FOXP1: variants seen among roughly 807,000 people sequenced by gnomAD.
FOXP1 encodes the protein forkhead box P1.
In FOXP1, 15 loss-of-function variants were observed where a neutral mutation model predicts 98.2. That is an observed-to-expected ratio of 0.15 (90% CI 0.10 to 0.24). FOXP1 has a LOEUF of 0.24. FOXP1 is among the 10% of genes least tolerant of loss of function. The probability of loss-of-function intolerance (pLI) is 1.00; values close to 1 mark genes in which losing one functional copy is unlikely to be tolerated. For missense variants in FOXP1, 633 were observed against 848.5 expected, an observed-to-expected ratio of 0.75 and a Z score of 3.15; for synonymous variants, 371 against 314.5, an observed-to-expected ratio of 1.18 and a Z score of -1.90.
At chr3:71,235,413 A>G (rs1480050641) in intron 5 of FOXP1, among the ~76,000 whole-genome samples, 1 of 152,234 alleles carries the variant, frequency 6.6e-6, no homozygotes, top group Non-Finnish European at 1.5e-5. Context: ...TGATTTGGCA[A>G]CCATTGAATC....
intron 4 of FOXP1, among the ~76,000 whole-genome samples, chr3:71,352,470 C>CAAAAAA (rs34693899): frequency 4.5e-4 from 30 of 66,938 alleles, no homozygotes; most frequent in Admixed American, 6.2e-4. Flanking sequence ...GACTCCATCT[C>CAAAAAA]AAAAAAAAAA....
intron 6 of FOXP1, among the ~76,000 whole-genome samples, chr3:71,118,416 G>A (rs1469262978): frequency 6.6e-6 from 1 of 152,152 alleles, no homozygotes; most frequent in Non-Finnish European, 1.5e-5. Context: ...CAAGGTAGCC[G>A]ATGTTCAAAA....
intron 11 of FOXP1, among the ~76,000 whole-genome samples, chr3:71,039,112 T>A (rs2047993314): frequency 6.6e-6 from 1 of 152,072 alleles, no homozygotes; most frequent in Admixed American, 6.6e-5. Flanking sequence ...ACCTACTAGA[T>A]AATACAAACT....
chr3:71,164,778 C>T (rs1341217058), intron 6 of FOXP1, among the ~76,000 whole-genome samples: 1 of 152,170 alleles, frequency 6.6e-6, no homozygotes, highest in African/African-American at 2.4e-5. Flanking sequence ...TTACTTTCTC[C>T]CTTCATTCGG....
intron 3 of FOXP1, among the ~76,000 whole-genome samples, chr3:71,368,220 G>T (rs2079054373): frequency 6.6e-6 from 1 of 152,006 alleles, no homozygotes; most frequent in African/African-American, 2.4e-5. Context: ...TGCCTCTCAG[G>T]TTCAAAGGAT....
intron 2 of FOXP1, among the ~76,000 whole-genome samples, chr3:71,565,516 T>C (rs1470231239): frequency 6.6e-6 from 1 of 152,206 alleles, no homozygotes; most frequent in Non-Finnish European, 1.5e-5. Context: ...ACACCTGCCT[T>C]CTGGCCTAAT....
At chr3:71,062,406 A>T (rs954754447) in intron 7 of FOXP1, among the ~76,000 whole-genome samples, 1 of 152,244 alleles carries the variant, frequency 6.6e-6, no homozygotes, top group Non-Finnish European at 1.5e-5. Context: ...GCTGCAGACA[A>T]AAGTTCGCTA....
chr3:71,583,054 G>A (rs910053928), intron 1 of FOXP1, among the ~76,000 whole-genome samples: 1 of 151,718 alleles, frequency 6.6e-6, no homozygotes, highest in African/African-American at 2.4e-5. Flanking sequence ...TCCCGCCGCG[G>A]CCAGGACCCG....
intron 5 of FOXP1, among the ~76,000 whole-genome samples, chr3:71,253,896 T>C (rs965281149): frequency 6.6e-6 from 1 of 152,236 alleles, no homozygotes. Context: ...ACTAAGTTTC[T>C]CTGGGTATTA....
At chr3:71,548,148 C>G (rs998499752) in intron 2 of FOXP1, among the ~76,000 whole-genome samples, 3 of 152,140 alleles carry the variant, frequency 2.0e-5, no homozygotes, top group Non-Finnish European at 4.4e-5. Flanking sequence ...TTAAATATAC[C>G]TTTGAAAATG....
chr3:71,373,863 T>C (rs1371213094), intron 3 of FOXP1, among the ~76,000 whole-genome samples: 2 of 152,228 alleles, frequency 1.3e-5, no homozygotes, highest in South Asian at 2.1e-4. Context: ...TGTCTTCTTG[T>C]AGCAAAGACA....
At chr3:71,269,089 GT>G (rs1046427522) in intron 5 of FOXP1, among the ~76,000 whole-genome samples, 5 of 134,944 alleles carry the variant, frequency 3.7e-5, no homozygotes, top group Admixed American at 1.5e-4. Flanking sequence ...TCAGAGTGGG[GT>G]TTTTTTTGTT....
intron 12 of FOXP1, among the ~76,000 whole-genome samples, chr3:71,004,397 T>C (rs1180600263): frequency 6.6e-6 from 1 of 152,156 alleles, no homozygotes; most frequent in East Asian, 1.9e-4. Flanking sequence ...ATCCTGTTCT[T>C]TTTGATAAAT....
intron 3 of FOXP1, among the ~76,000 whole-genome samples, chr3:71,453,419 A>C (rs1032415554): frequency 6.6e-6 from 1 of 152,144 alleles, no homozygotes; most frequent in Non-Finnish European, 1.5e-5. Flanking sequence ...ATATTTTGAG[A>C]CCTGGTTACC....
At chr3:71,283,975 G>A (rs1367272212) in intron 5 of FOXP1, among the ~76,000 whole-genome samples, 1 of 152,100 alleles carries the variant, frequency 6.6e-6, no homozygotes, top group African/African-American at 2.4e-5. Context: ...AACCCTGCCT[G>A]TTCCAATGAA....
At chr3:71,491,957 GA>G (rs1330157198) in intron 3 of FOXP1, among the ~76,000 whole-genome samples, 1 of 152,144 alleles carries the variant, frequency 6.6e-6, no homozygotes, top group African/African-American at 2.4e-5. Flanking sequence ...CTCTGTAATT[GA>G]AATAAGCTAG....
intron 17 of FOXP1, among the ~76,000 whole-genome samples, chr3:70,976,207 T>C (rs1230848672): frequency 1.3e-5 from 2 of 151,928 alleles, no homozygotes; most frequent in Non-Finnish European, 2.9e-5. Context: ...CATGCCACCA[T>C]GCCTGGCTAA....
In FOXP1 at chr3:71,397,791, T is replaced by C. The variant is rs968964925; in HGVS notation, c.-167-38547A>G. ...TACCATTTAGAATAATTTCTCCATC[T>C]ACACTGGAAAAGGCAGGAAAGTTCC... is the stretch of plus-strand genomic sequence containing the variant. On this transcript the variant is annotated intron_variant, in intron 3 of 20. Transcript: ENST00000649528. Among the ~76,000 whole-genome samples the C allele has an allele frequency of 8.7e-4, 133 of 152,334 alleles. 1 individual carries two copies. The highest frequency in any genetic ancestry group is 3.1e-3 in the African/African-American group (127 of 41,576).
At position 71,180,478 on chromosome 3, in the gene FOXP1, GA is replaced by G. The variant is rs913532489; in HGVS notation, c.180+17723del. Among the ~76,000 whole-genome samples, 510 of 150,670 alleles carry G rather than the reference GA, an allele frequency of 3.4e-3. 6 individuals carry two copies. Among genetic ancestry groups the G allele is most frequent in the African/African-American group, 0.011 (472 of 41,110 alleles). On this transcript the variant is annotated intron_variant, in intron 6 of 20. Transcript: ENST00000649528. ...AAATGCAGGCACAAGAATTTAGCAAGAAAAAAAAATAGACATGCCAATAAAA... is the reference window on the plus strand; with the variant it reads ...AAATGCAGGCACAAGAATTTAGCAAGAAAAAAAATAGACATGCCAATAAAA...
Sources: gnomAD v4.1 joint callset for allele counts (sites outside exome capture counted in the v4.1 genomes callset) on GRCh38, gnomAD v4.1.1 for gene constraint, MANE v1.5 for transcripts, NCBI Gene and HGNC (gene_info 2026-07-23, HGNC 2026-07-21) for gene names.